Variants in CCDC93 observed in about 807,000 individuals in gnomAD.
CCDC93 encodes the protein coiled-coil domain-containing protein 93.
Under a neutral mutation model 108.2 loss-of-function variants are expected in CCDC93, and 61 were observed. That is an observed-to-expected ratio of 0.56 (90% confidence interval 0.46 to 0.70). The LOEUF is 0.70. Among genes scored for constraint, CCDC93 ranks in the 30% least tolerant of loss-of-function variants. The probability of loss-of-function intolerance (pLI) is 0.00; values close to 1 mark genes in which losing one functional copy is unlikely to be tolerated. For missense variants in CCDC93, 685 were observed against 764.2 expected, an observed-to-expected ratio of 0.90 and a Z score of 1.22; for synonymous variants, 276 against 260.4, an observed-to-expected ratio of 1.06 and a Z score of -0.58.
chr2:118,013,973 T>C lies in CCDC93; in HGVS notation c.23A>G (p.Glu8Gly). 6.3e-7 allele frequency: 1 copy of C among 1,594,734 alleles called. No individual in the cohort carries two copies. Among genetic ancestry groups the C allele is most frequent in the Non-Finnish European group, 8.5e-7 (1 of 1,172,154 alleles). The stretch of plus-strand genomic sequence containing the variant: ...TCTTACCTCCGGGAGACCCTGGCCC[T>C]CCGGCCCCCTGGGCAACCCCATGAT... MGLPRGP[E>G]GQGLPEVETR... The change falls in exon 1 of 24, where the codon GAG becomes GGG. Residue 8 changes from glutamate to glycine, a missense_variant. Coordinates refer to ENST00000376300, the MANE Select transcript of CCDC93 (RefSeq NM_019044.5).
chr2:117,936,486 G>A, intron 21 of CCDC93: 1 of 496,488 alleles, frequency 2.0e-6, no homozygotes, highest in East Asian at 2.9e-5. Flanking sequence ...TTTTTCGTCA[G>A]CTCTTCCTTC....
At chr2:117,929,871 T>C (rs2104712065) in intron 23 of CCDC93, among the ~76,000 whole-genome samples, 1 of 152,350 alleles carries the variant, frequency 6.6e-6, no homozygotes, top group East Asian at 1.9e-4. Flanking sequence ...AGGGCCCTCC[T>C]AGACCACACT....
At chr2:117,965,364 T>C (rs1164176867) in intron 11 of CCDC93, among the ~76,000 whole-genome samples, 1 of 152,130 alleles carries the variant, frequency 6.6e-6, no homozygotes. Flanking sequence ...AGGTGGCAGA[T>C]CAGGCTGATT....
chr2:117,944,719 C>G (rs538968654), intron 17 of CCDC93: 46 of 471,126 alleles, frequency 9.8e-5, no homozygotes, highest in East Asian at 3.5e-4. Flanking sequence ...AACACACCCC[C>G]CTACCCAACG....
At chr2:117,934,285 A>T (rs1444487565) in intron 22 of CCDC93, among the ~76,000 whole-genome samples, 1 of 152,148 alleles carries the variant, frequency 6.6e-6, no homozygotes, top group Non-Finnish European at 1.5e-5. Flanking sequence ...AGCGTCTAAC[A>T]CACTGACACC....
chr2:117,933,261 A>T (rs1678404102), intron 22 of CCDC93, among the ~76,000 whole-genome samples: 1 of 152,250 alleles, frequency 6.6e-6, no homozygotes, highest in Admixed American at 6.5e-5. Flanking sequence ...TGCTCAATAA[A>T]GACCATTTTT....
chr2:117,927,922 A>G (rs1678178661), intron 23 of CCDC93, among the ~76,000 whole-genome samples: 1 of 152,164 alleles, frequency 6.6e-6, no homozygotes, highest in African/African-American at 2.4e-5. Flanking sequence ...ATATAGACCA[A>G]TGGAACAGAA....
intron 11 of CCDC93, among the ~76,000 whole-genome samples, chr2:117,960,803 G>A (rs904848890): frequency 2.6e-5 from 4 of 152,004 alleles, no homozygotes; most frequent in African/African-American, 9.7e-5. Context: ...TCTCATTCTC[G>A]TGATTATACA....
intron 23 of CCDC93, among the ~76,000 whole-genome samples, chr2:117,924,855 A>C (rs968899629): frequency 1.2e-4 from 19 of 152,214 alleles, no homozygotes; most frequent in African/African-American, 4.6e-4. Flanking sequence ...AAATGGAAAA[A>C]ATGTTAAGGG....
intron 14 of CCDC93, among the ~76,000 whole-genome samples, chr2:117,948,534 T>G (rs1321019475): frequency 6.6e-6 from 1 of 152,236 alleles, no homozygotes; most frequent in Admixed American, 6.5e-5. Flanking sequence ...AAACTATTTT[T>G]AAAATCCATT....
intron 11 of CCDC93, among the ~76,000 whole-genome samples, chr2:117,959,080 G>A (rs1679308994): frequency 1.3e-5 from 2 of 152,198 alleles, no homozygotes; most frequent in South Asian, 4.1e-4. Context: ...GGAGGAGGGG[G>A]TGGAGAAGGA....
At chr2:118,001,069 T>A (rs904673971) in intron 3 of CCDC93, 137 bp from the exon 4 acceptor site, 6 of 591,832 alleles carry the variant, frequency 1.0e-5, no homozygotes, top group African/African-American at 3.7e-5. Context: ...AAGTTTCTCC[T>A]AGATGACTGC....
chr2:117,969,208 C>T (rs192970419), intron 11 of CCDC93, among the ~76,000 whole-genome samples: 14 of 152,282 alleles, frequency 9.2e-5, no homozygotes, highest in African/African-American at 3.1e-4. Flanking sequence ...CCCTTGCTAG[C>T]TTTGATGAAA....
chr2:117,951,790 G>T, intron 13 of CCDC93: 1 of 638,872 alleles, frequency 1.6e-6, no homozygotes, highest in Non-Finnish European at 2.0e-6. Context: ...CAAGTGGGAA[G>T]TGAGCAGCGA....
intron 18 of CCDC93, among the ~76,000 whole-genome samples, chr2:117,941,884 G>C (rs1240952953): frequency 6.6e-6 from 1 of 152,206 alleles, no homozygotes; most frequent in Non-Finnish European, 1.5e-5. Flanking sequence ...AGAGCAAGCC[G>C]CTCACTTGTG....
intron 23 of CCDC93, among the ~76,000 whole-genome samples, chr2:117,921,262 AGGG>A (rs1229857443): frequency 2.0e-5 from 3 of 151,848 alleles, no homozygotes; most frequent in Non-Finnish European, 4.4e-5. Context: ...GTTATCACTG[AGGG>A]AGGTCACTGT....
intron 13 of CCDC93, chr2:117,951,212 G>A (rs530580188): frequency 1.3e-5 from 13 of 985,300 alleles, no homozygotes; most frequent in East Asian, 1.1e-4. Context: ...GGGGCTCTGC[G>A]GCATTAAAAT....
At chr2:117,979,009 AAAAT>A (rs1268759780) in intron 7 of CCDC93, among the ~76,000 whole-genome samples, 2 of 152,134 alleles carry the variant, frequency 1.3e-5, no homozygotes, top group African/African-American at 4.8e-5. Flanking sequence ...CTCTGTCTCA[AAAAT>A]AAATAAATGA....
chr2:117,922,599 C>A (rs945056980), intron 23 of CCDC93, among the ~76,000 whole-genome samples: 3 of 152,264 alleles, frequency 2.0e-5, no homozygotes, highest in Admixed American at 6.5e-5. Flanking sequence ...ACAAAGGCAA[C>A]CGCTAAGGTG....
Sources: gnomAD v4.1 joint callset for allele counts (sites outside exome capture counted in the v4.1 genomes callset) on GRCh38, gnomAD v4.1.1 for gene constraint, MANE v1.5 for transcripts, NCBI Gene and HGNC (gene_info 2026-07-23, HGNC 2026-07-21) for gene names.